The following SGCZ variants were observed in gnomAD, a reference collection of about 807,000 sequenced individuals.
SGCZ encodes the protein zeta-sarcoglycan.
SGCZ carries 40 observed loss-of-function variants against 41.3 expected under a neutral mutation model. The observed-to-expected ratio is 0.97, with a 90% CI of 0.75 to 1.26. The LOEUF (loss-of-function observed/expected upper bound fraction) is 1.26, where lower values mean the gene tolerates loss of function less well. SGCZ is among the 50% of genes most tolerant of loss of function. The pLI, the probability that SGCZ is intolerant of heterozygous loss-of-function variation, is 0.00. For synonymous variants in SGCZ, 206 were observed against 137.5 expected (o/e 1.50, Z -3.49); for missense variants, 552 against 369.8 (o/e 1.49, Z -4.04).
At chr8:15,194,710 C>T (rs1375913554) in intron 1 of SGCZ, among the ~76,000 whole-genome samples, 1 of 152,050 alleles carries the variant, frequency 6.6e-6, no homozygotes, top group Non-Finnish European at 1.5e-5. Context: ...GGAGGAGGAC[C>T]ATAAGCCAGG....
intron 2 of SGCZ, among the ~76,000 whole-genome samples, chr8:14,400,156 G>A (rs900036140): frequency 1.3e-5 from 2 of 151,992 alleles, no homozygotes; most frequent in African/African-American, 4.8e-5. Context: ...CTTGGCTATT[G>A]TTTCCAGTGT....
At chr8:14,105,429 A>T (rs1802173747) in intron 6 of SGCZ, among the ~76,000 whole-genome samples, 1 of 152,068 alleles carries the variant, frequency 6.6e-6, no homozygotes, top group African/African-American at 2.4e-5. Context: ...TTAACATTTT[A>T]TTGACTTGGC....
intron 1 of SGCZ, among the ~76,000 whole-genome samples, chr8:14,829,504 A>C (rs1802453049): frequency 6.6e-6 from 1 of 152,198 alleles, no homozygotes; most frequent in African/African-American, 2.4e-5. Context: ...ATCAATAGGA[A>C]AGTAAGTTTG....
rs1217861452 is a variant in SGCZ at position 15,002,710 on chromosome 8, C to T, written c.39+234875G>A. Among the ~76,000 whole-genome samples, 10 of 152,094 alleles carry T rather than the reference C, an allele frequency of 6.6e-5. 1 individual carries two copies. The South Asian group carries it at 1.5e-3, about 22-fold the overall frequency. On this transcript the variant is annotated intron_variant, in intron 1 of 7. Transcript: ENST00000382080. ...TTTGTCCATCTTAAAATAGAACCAC[C>T]GTCACAATAAAAAGTTCTTCTCTCC...
intron 1 of SGCZ, among the ~76,000 whole-genome samples, chr8:14,862,669 TA>T (rs1234774698): frequency 1.3e-5 from 2 of 149,992 alleles, no homozygotes; most frequent in African/African-American, 4.9e-5. Context: ...TTGGACTCAA[TA>T]TAAAATGACT....
chr8:14,464,484 G>GTTT (rs1455016555), intron 2 of SGCZ, among the ~76,000 whole-genome samples: 1 of 119,626 alleles, frequency 8.4e-6, no homozygotes, highest in African/African-American at 3.4e-5. Context: ...AATTTGAGTG[G>GTTT]TATTTTTTTT....
At chr8:14,724,570 T>A (rs941616623) in intron 1 of SGCZ, among the ~76,000 whole-genome samples, 13 of 151,800 alleles carry the variant, frequency 8.6e-5, no homozygotes, top group Non-Finnish European at 1.3e-4. Context: ...ATCACTATAT[T>A]GAAATTCATT....
At chr8:14,641,591 A>G (rs1807030081) in intron 1 of SGCZ, among the ~76,000 whole-genome samples, 1 of 151,674 alleles carries the variant, frequency 6.6e-6, no homozygotes, top group Admixed American at 6.6e-5. Flanking sequence ...TATTATATTT[A>G]AAGTAATAGC....
chr8:14,874,966 G>C (rs1052953365), intron 1 of SGCZ, among the ~76,000 whole-genome samples: 1 of 152,136 alleles, frequency 6.6e-6, no homozygotes, highest in Non-Finnish European at 1.5e-5. Flanking sequence ...ACCTAATCAG[G>C]TGCATCAGCT....
intron 1 of SGCZ, among the ~76,000 whole-genome samples, chr8:15,198,302 T>C (rs972469741): frequency 2.0e-5 from 3 of 151,926 alleles, no homozygotes; most frequent in Non-Finnish European, 2.9e-5. Flanking sequence ...GCATTGTACA[T>C]TGAACTCAAA....
chr8:14,521,426 A>G (rs1802785026), intron 2 of SGCZ, among the ~76,000 whole-genome samples: 1 of 152,114 alleles, frequency 6.6e-6, no homozygotes, highest in Admixed American at 6.6e-5. Context: ...ACCTATGTTT[A>G]CCTATGTAAC....
At chr8:14,580,572 C>G (rs1804854726) in intron 1 of SGCZ, among the ~76,000 whole-genome samples, 1 of 151,884 alleles carries the variant, frequency 6.6e-6, no homozygotes, top group Non-Finnish European at 1.5e-5. Flanking sequence ...AAATAAAATC[C>G]CATTTTCATG....
chr8:15,166,859 G>T (rs903666887), intron 1 of SGCZ, among the ~76,000 whole-genome samples: 1 of 152,158 alleles, frequency 6.6e-6, no homozygotes, highest in East Asian at 1.9e-4. Context: ...TAACTTTAGA[G>T]ATTGTAACAT....
chr8:14,562,172 G>A (rs1018078337), intron 1 of SGCZ, among the ~76,000 whole-genome samples: 2 of 152,070 alleles, frequency 1.3e-5, no homozygotes, highest in African/African-American at 2.4e-5. Context: ...CAAAATATTA[G>A]TGCCCAGGAA....
chr8:14,494,979 A>G (rs1209578326), intron 2 of SGCZ, among the ~76,000 whole-genome samples: 1 of 152,182 alleles, frequency 6.6e-6, no homozygotes, highest in African/African-American at 2.4e-5. Flanking sequence ...AATTTGGGGA[A>G]TGTGTCTAAC....
chr8:14,870,005 A>G (rs962962522), intron 1 of SGCZ, among the ~76,000 whole-genome samples: 4 of 152,202 alleles, frequency 2.6e-5, no homozygotes, highest in African/African-American at 9.7e-5. Context: ...CCATACTGCC[A>G]AAGTAATTTA....
chr8:14,719,037 T>A (rs1233817016), intron 1 of SGCZ, among the ~76,000 whole-genome samples: 1 of 120,440 alleles, frequency 8.3e-6, no homozygotes, highest in South Asian at 2.8e-4. Flanking sequence ...CAGAGTGTGA[T>A]GTTCCCCTTT....
At chr8:14,421,648 A>C (rs1585487452) in intron 2 of SGCZ, among the ~76,000 whole-genome samples, 1 of 152,264 alleles carries the variant, frequency 6.6e-6, no homozygotes, top group Non-Finnish European at 1.5e-5. Flanking sequence ...CTCTGCTGAG[A>C]CTTCAACATA....
chr8:14,247,588 T>G (rs1195858797), intron 3 of SGCZ, among the ~76,000 whole-genome samples: 1 of 152,212 alleles, frequency 6.6e-6, no homozygotes, highest in East Asian at 1.9e-4. Context: ...AATCAGACAC[T>G]GCTGTTGCTT....
Sources: allele counts gnomAD v4.1 joint callset (sites outside exome capture counted in the v4.1 genomes callset), GRCh38; gene constraint gnomAD v4.1.1; transcripts MANE v1.5; gene names NCBI Gene and HGNC (gene_info 2026-07-23, HGNC 2026-07-21).